The following EMCN variants were observed in gnomAD, a reference collection of about 807,000 sequenced individuals.
EMCN encodes the protein endomucin.
In EMCN, 37 loss-of-function variants were observed where a neutral mutation model predicts 38.4. That is an observed-to-expected ratio of 0.96 (90% confidence interval 0.74 to 1.27). The LOEUF is 1.27. Ranked by LOEUF, EMCN falls within the 50% of genes most tolerant of loss-of-function variation. The pLI, the probability that EMCN is intolerant of heterozygous loss-of-function variation, is 0.00. For synonymous variants in EMCN, 95 were observed against 100.8 expected, an observed-to-expected ratio of 0.94 and a Z score of 0.35; for missense variants, 318 against 302.8, an observed-to-expected ratio of 1.05 and a Z score of -0.37.
At chr4:100,401,589 GA>G (rs1726261969) in intron 11 of EMCN, among the ~76,000 whole-genome samples, 1 of 152,022 alleles carries the variant, frequency 6.6e-6, no homozygotes, top group African/African-American at 2.4e-5. Flanking sequence ...TAAAATGAAA[GA>G]AAAATAATTG....
intron 11 of EMCN, among the ~76,000 whole-genome samples, chr4:100,398,699 G>A (rs556890123): frequency 6.6e-6 from 1 of 152,004 alleles, no homozygotes; most frequent in African/African-American, 2.4e-5. Flanking sequence ...ACTCCCCATT[G>A]GCCACATCCA....
At chr4:100,456,379 A>G (rs749735377) in intron 4 of EMCN, among the ~76,000 whole-genome samples, 37 of 151,910 alleles carry the variant, frequency 2.4e-4, no homozygotes, top group Admixed American at 1.7e-3. Context: ...GGGGTTTATT[A>G]TTTATTTTTT....
At position 100,423,383 on chromosome 4, in the gene EMCN, G is replaced by T. The variant is rs750616835; in HGVS notation, c.437C>A (p.Ala146Glu). 6.2e-7 allele frequency: 1 copy of T among 1,612,182 alleles called. No individual in the cohort carries two copies. Among genetic ancestry groups the T allele is most frequent in the Non-Finnish European group, 8.5e-7 (1 of 1,178,658 alleles). ...TAATGTACCAGTTTTAGAAGGTGAT[G>T]CATCTGGTTGTAGAACACTACCTGT... is the stretch of plus-strand genomic sequence containing the variant. ...EIPGSVLQPDASPSKTGTLTS... is the reference protein window; with the variant it reads ...EIPGSVLQPDESPSKTGTLTS... The change falls in exon 6 of 12, where the codon GCA (alanine) becomes GAA (glutamate). Residue 146 changes from alanine (A) to glutamate (E), a missense_variant. Physicochemically the swap from Ala to Glu is moderately radical, Grantham distance 107. Transcript: ENST00000296420.
intron 2 of EMCN, among the ~76,000 whole-genome samples, chr4:100,477,846 A>G (rs2110278579): frequency 6.6e-6 from 1 of 152,154 alleles, no homozygotes; most frequent in East Asian, 1.9e-4. Context: ...GGAGAATGGG[A>G]CAGTGTATAA....
chr4:100,507,447 A>C (rs897255977), intron 1 of EMCN, among the ~76,000 whole-genome samples: 11 of 152,190 alleles, frequency 7.2e-5, no homozygotes, highest in African/African-American at 1.9e-4. Context: ...ACTTTCCTAG[A>C]AAGGTAAACA....
intron 7 of EMCN, 86 bp from the exon 8 acceptor site, chr4:100,421,463 T>C (rs1370021292): frequency 7.5e-6 from 7 of 937,110 alleles, no homozygotes; most frequent in South Asian, 5.6e-5. Context: ...GCATGAGTAC[T>C]TCCTTTCTTC....
intron 11 of EMCN, among the ~76,000 whole-genome samples, chr4:100,399,574 C>A (rs1001323213): frequency 2.6e-5 from 4 of 152,042 alleles, no homozygotes; most frequent in African/African-American, 9.7e-5. Context: ...TGACTTCTTC[C>A]CAGAGCATCT....
At chr4:100,422,542 T>A (rs908242010) in intron 7 of EMCN, among the ~76,000 whole-genome samples, 2 of 152,036 alleles carry the variant, frequency 1.3e-5, no homozygotes, top group Non-Finnish European at 2.9e-5. Context: ...CCGTTTTTAA[T>A]GTTCTATGAA....
chr4:100,485,647 A>G (rs2110286760), intron 1 of EMCN, among the ~76,000 whole-genome samples: 1 of 151,956 alleles, frequency 6.6e-6, no homozygotes, highest in South Asian at 2.1e-4. Context: ...CAAATAAAAT[A>G]AAGTACTGTT....
chr4:100,477,342 A>G (rs1162867298), intron 2 of EMCN, among the ~76,000 whole-genome samples: 1 of 147,214 alleles, frequency 6.8e-6, no homozygotes, highest in Non-Finnish European at 1.5e-5. Context: ...TCAAATGTTG[A>G]TTTTTAACTC....
chr4:100,462,374 G>A (rs961865059), intron 4 of EMCN, among the ~76,000 whole-genome samples: 4 of 152,078 alleles, frequency 2.6e-5, no homozygotes, highest in Admixed American at 6.6e-5. Flanking sequence ...TCTACTTCAT[G>A]AATTGAAGTG....
At chr4:100,472,315 G>A (rs1056870785) in intron 3 of EMCN, among the ~76,000 whole-genome samples, 3 of 151,420 alleles carry the variant, frequency 2.0e-5, no homozygotes, top group African/African-American at 4.8e-5. Flanking sequence ...CTATATAGTA[G>A]CAATGAATAA....
In EMCN at chr4:100,397,083, A is replaced by C. The variant is rs184053249; in HGVS notation, c.*1330T>G. On this transcript the variant is annotated 3_prime_UTR_variant, in exon 12 of 12. Transcript: ENST00000296420. ...ATCAAGGTGATTATATAACTCCTAAAGATGGAAGTTGTCAAAATACATCAC... is the reference window on the plus strand; with the variant it reads ...ATCAAGGTGATTATATAACTCCTAACGATGGAAGTTGTCAAAATACATCAC... 6.6e-6 allele frequency: 1 copy of C among 152,266 alleles called. No homozygotes were observed. The highest frequency in any genetic ancestry group is 2.4e-5 in the African/African-American group (1 of 41,568). 9.4% of individuals were successfully genotyped at this position (152,266 alleles called of 1,614,324 possible).
chr4:100,484,706 A>G (rs775298401), intron 1 of EMCN, among the ~76,000 whole-genome samples: 16 of 152,178 alleles, frequency 1.1e-4, no homozygotes, highest in Admixed American at 2.6e-4. Context: ...TTCTAGATCA[A>G]CATAAACATT....
intron 2 of EMCN, among the ~76,000 whole-genome samples, chr4:100,479,391 G>A (rs1190236348): frequency 1.3e-5 from 2 of 151,798 alleles, no homozygotes; most frequent in Admixed American, 1.3e-4. Context: ...GTATTCTAAT[G>A]GCTTTTAACA....
At chr4:100,429,407 T>C (rs1381784574) in intron 5 of EMCN, among the ~76,000 whole-genome samples, 7 of 152,178 alleles carry the variant, frequency 4.6e-5, no homozygotes, top group African/African-American at 1.7e-4. Flanking sequence ...GTACGTATTT[T>C]CACACACAAT....
chr4:100,434,378 C>T (rs1371050594), intron 5 of EMCN, among the ~76,000 whole-genome samples: 1 of 114,072 alleles, frequency 8.8e-6, no homozygotes, highest in African/African-American at 3.0e-5. Context: ...AAATAGCCTA[C>T]CAAGCAAAAA....
At chr4:100,513,624 C>A (rs1434078488) in intron 1 of EMCN, among the ~76,000 whole-genome samples, 1 of 152,066 alleles carries the variant, frequency 6.6e-6, no homozygotes, top group African/African-American at 2.4e-5. Context: ...AGCTGGCTAA[C>A]CTTTGATAAG....
intron 5 of EMCN, among the ~76,000 whole-genome samples, chr4:100,440,042 C>T (rs1286478014): frequency 7.0e-6 from 1 of 143,648 alleles, no homozygotes; most frequent in Non-Finnish European, 1.5e-5. Context: ...TGTGGCTTAT[C>T]ATATGGCCTA....
Sources: gnomAD v4.1 joint callset for allele counts (sites outside exome capture counted in the v4.1 genomes callset) on GRCh38, gnomAD v4.1.1 for gene constraint, MANE v1.5 for transcripts, NCBI Gene and HGNC (gene_info 2026-07-23, HGNC 2026-07-21) for gene names.